GALNTL6: variants seen among roughly 807,000 people sequenced by gnomAD.
GALNTL6 encodes polypeptide N-acetylgalactosaminyltransferase-like 6.
GALNTL6 carries 46 observed loss-of-function variants against 73.7 expected under a neutral mutation model. That is an observed-to-expected ratio of 0.62 (90% CI 0.49 to 0.80). GALNTL6 has a LOEUF of 0.80. Among genes scored for constraint, GALNTL6 ranks in the 30% least tolerant of loss-of-function variants. The pLI, the probability that GALNTL6 is intolerant of heterozygous loss-of-function variation, is 0.00. For missense variants in GALNTL6, 604 were observed against 755.0 expected (o/e 0.80, Z 2.34); for synonymous variants, 259 against 263.7 (o/e 0.98, Z 0.17).
intron 5 of GALNTL6, among the ~76,000 whole-genome samples, chr4:172,695,719 G>A (rs1476800447): frequency 1.3e-5 from 2 of 152,080 alleles, no homozygotes; most frequent in African/African-American, 2.4e-5. Flanking sequence ...AGGCCGAGGC[G>A]GGCGGATCAT....
intron 5 of GALNTL6, among the ~76,000 whole-genome samples, chr4:172,554,111 T>C (rs1043857914): frequency 2.0e-5 from 3 of 152,186 alleles, no homozygotes; most frequent in African/African-American, 7.2e-5. Context: ...TGCCATTGCC[T>C]TCAACAAGAG....
chr4:172,298,773 A>G (rs1003558650), intron 3 of GALNTL6, among the ~76,000 whole-genome samples: 5 of 152,102 alleles, frequency 3.3e-5, no homozygotes, highest in African/African-American at 1.2e-4. Flanking sequence ...GTTTGCCACT[A>G]TTTTATTGAG....
intron 5 of GALNTL6, among the ~76,000 whole-genome samples, chr4:172,750,564 A>G (rs994161863): frequency 2.0e-5 from 3 of 152,334 alleles, no homozygotes; most frequent in Middle Eastern, 3.4e-3. Context: ...CTCTCATGTC[A>G]GGATGGCTTT....
chr4:171,918,617 A>G (rs1319808123), intron 2 of GALNTL6, among the ~76,000 whole-genome samples: 1 of 152,176 alleles, frequency 6.6e-6, no homozygotes, highest in Non-Finnish European at 1.5e-5. Context: ...TAAAATTACC[A>G]TATGATCCAG....
In GALNTL6 at chr4:172,913,641, G is replaced by A. The variant is rs185161421; in HGVS notation, c.1042-17520G>A. 1.1e-3 allele frequency among the ~76,000 whole-genome samples: 174 copies of A among 152,150 alleles called. 3 individuals carry two copies. Among genetic ancestry groups the A allele is most frequent in the South Asian group, 2.5e-3 (12 of 4,810 alleles). Reference sequence around the variant, plus strand: ...TCAATCAAGTGGAAGAAAGGGTATCGGTGACTGAAGATCAAATGAATGAAA... The same window carrying A: ...TCAATCAAGTGGAAGAAAGGGTATCAGTGACTGAAGATCAAATGAATGAAA... On this transcript the variant is annotated intron_variant, in intron 8 of 12. Transcript: ENST00000506823.
chr4:171,814,564 C>T lies in GALNTL6; in HGVS notation c.-17C>T, dbSNP rs1734468979. On this transcript the variant is annotated 5_prime_UTR_variant, in exon 2 of 13. Transcript: ENST00000506823. ...GGAGCCATCTCCTTTAACTTTTCTT[C>T]TCTGTTACCATTTGCAATGAAGAGG... 1.9e-6 allele frequency: 3 copies of T among 1,613,402 alleles called. No individual in the cohort carries two copies. Among genetic ancestry groups the T allele is most frequent in the Non-Finnish European group, 1.7e-6 (2 of 1,179,752 alleles).
chr4:172,908,274 A>C (rs957627425), intron 8 of GALNTL6, among the ~76,000 whole-genome samples: 11 of 152,220 alleles, frequency 7.2e-5, no homozygotes, highest in African/African-American at 2.7e-4. Context: ...GTCATGAATA[A>C]AGAAGGACTA....
intron 3 of GALNTL6, among the ~76,000 whole-genome samples, chr4:172,280,689 A>C (rs1391448045): frequency 1.3e-5 from 2 of 152,146 alleles, no homozygotes; most frequent in African/African-American, 4.8e-5. Context: ...TAAAGTAACA[A>C]TTAATATAAG....
At chr4:172,925,242 A>G (rs955012969) in intron 8 of GALNTL6, among the ~76,000 whole-genome samples, 1 of 151,504 alleles carries the variant, frequency 6.6e-6, no homozygotes, top group South Asian at 2.1e-4. Context: ...GCAGGATTCT[A>G]TAGTTTTCTC....
chr4:172,054,728 T>C (rs953513935), intron 2 of GALNTL6, among the ~76,000 whole-genome samples: 5 of 152,166 alleles, frequency 3.3e-5, no homozygotes, highest in African/African-American at 9.7e-5. Flanking sequence ...ACATTCAGTT[T>C]AAAGTACAAA....
At chr4:172,032,520 G>A (rs1402017050) in intron 2 of GALNTL6, among the ~76,000 whole-genome samples, 1 of 151,990 alleles carries the variant, frequency 6.6e-6, no homozygotes, top group Non-Finnish European at 1.5e-5. Context: ...AATATCAGTA[G>A]ATATTTAATT....
intron 5 of GALNTL6, among the ~76,000 whole-genome samples, chr4:172,602,610 GA>G (rs1408977430): frequency 3.3e-5 from 5 of 151,972 alleles, no homozygotes; most frequent in African/African-American, 1.2e-4. Context: ...AAAGAAGATA[GA>G]AAAAAAGAAT....
At chr4:172,736,538 C>A (rs902841380) in intron 5 of GALNTL6, among the ~76,000 whole-genome samples, 1 of 152,128 alleles carries the variant, frequency 6.6e-6, no homozygotes, top group African/African-American at 2.4e-5. Flanking sequence ...GCAGATAACG[C>A]AATCATCACA....
chr4:172,848,927 A>G (rs1051171727), intron 7 of GALNTL6, among the ~76,000 whole-genome samples: 1 of 152,196 alleles, frequency 6.6e-6, no homozygotes, highest in Non-Finnish European at 1.5e-5. Flanking sequence ...TTTTCAACAA[A>G]CACCACAGAG....
intron 11 of GALNTL6, among the ~76,000 whole-genome samples, chr4:173,018,253 G>A (rs1039378824): frequency 3.9e-5 from 6 of 152,164 alleles, no homozygotes; most frequent in African/African-American, 1.4e-4. Context: ...CCAATGATAG[G>A]TAACTGAATC....
At chr4:172,953,663 G>T (rs2126351858) in intron 10 of GALNTL6, among the ~76,000 whole-genome samples, 1 of 152,208 alleles carries the variant, frequency 6.6e-6, no homozygotes, top group African/African-American at 2.4e-5. Context: ...TGTTCAGAGG[G>T]TCACTCTTCA....
intron 3 of GALNTL6, among the ~76,000 whole-genome samples, chr4:172,256,228 C>T (rs1738072242): frequency 6.6e-6 from 1 of 151,292 alleles, no homozygotes; most frequent in South Asian, 2.1e-4. Context: ...TCCAATCCAG[C>T]TGCAACAACC....
At chr4:172,837,151 C>G (rs1172868284) in intron 7 of GALNTL6, among the ~76,000 whole-genome samples, 1 of 152,160 alleles carries the variant, frequency 6.6e-6, no homozygotes, top group Non-Finnish European at 1.5e-5. Context: ...CAGCTTTATA[C>G]AAAATTATGA....
At chr4:172,896,477 G>C (rs1014539456) in intron 8 of GALNTL6, among the ~76,000 whole-genome samples, 3 of 152,328 alleles carry the variant, frequency 2.0e-5, no homozygotes, top group East Asian at 3.9e-4. Flanking sequence ...GTACAGGGCT[G>C]TGTGGAAACT....
Sources: gnomAD v4.1 joint callset for allele counts (sites outside exome capture counted in the v4.1 genomes callset) on GRCh38, gnomAD v4.1.1 for gene constraint, MANE v1.5 for transcripts, NCBI Gene and HGNC (gene_info 2026-07-23, HGNC 2026-07-21) for gene names.